KCTD19: variants seen among roughly 807,000 people sequenced by gnomAD.
The protein encoded by KCTD19 is BTB/POZ domain-containing protein KCTD19.
In KCTD19, 67 loss-of-function variants were observed where a neutral mutation model predicts 103.5. The observed-to-expected ratio is 0.65, with a 90% CI of 0.53 to 0.79. The LOEUF (loss-of-function observed/expected upper bound fraction) is 0.79, where lower values mean the gene tolerates loss of function less well. KCTD19 is among the 30% of genes least tolerant of loss of function. KCTD19 has a pLI of 0.00. For missense variants in KCTD19, 980 were observed against 1,136.1 expected, an observed-to-expected ratio of 0.86 and a Z score of 1.98; for synonymous variants, 439 against 452.2, an observed-to-expected ratio of 0.97 and a Z score of 0.37.
intron 1 of KCTD19, among the ~76,000 whole-genome samples, chr16:67,322,398 A>G (rs1367696325): frequency 1.3e-5 from 2 of 150,164 alleles, no homozygotes; most frequent in East Asian, 3.9e-4. Context: ...TCCCGGGTTC[A>G]CTCCATTCTC....
intron 6 of KCTD19, among the ~76,000 whole-genome samples, chr16:67,298,631 G>T (rs2036796259): frequency 6.6e-6 from 1 of 152,156 alleles, no homozygotes. Context: ...GGACATCTCT[G>T]AAAGATATGG....
At chr16:67,306,288 T>G (rs1164902297) in intron 2 of KCTD19, among the ~76,000 whole-genome samples, 1 of 152,130 alleles carries the variant, frequency 6.6e-6, no homozygotes, top group Non-Finnish European at 1.5e-5. Context: ...AAGGGAACAT[T>G]AGAGTCTCGC....
At chr16:67,291,608 G>A (rs746587305) in intron 13 of KCTD19, 38 bp downstream of exon 13, 130 of 1,596,258 alleles carry the variant, frequency 8.1e-5, no homozygotes, top group Non-Finnish European at 1.0e-4. Context: ...GCATCCTCAC[G>A]AGGAGGCGCA....
chr16:67,303,108 C>CGGGGGGGGGGGGGGGGGGGGGCG lies in KCTD19; in HGVS notation c.643+37_643+38insCGCCCCCCCCCCCCCCCCCCCCC. On this transcript the variant is annotated intron_variant, in intron 4 of 15. Transcript: ENST00000304372. This position sits in a 1 kb window ranked among gnomAD's most constrained non-coding sequence, Gnocchi z 4.3. ...ATGGGGAGGGGTGAATGGGCCCTAT[C>CGGGGGGGGGGGGGGGGGGGGGCG]AGCCCGCCCCCCACCCCACCCCGGA... is the stretch of plus-strand genomic sequence containing the variant. The CGGGGGGGGGGGGGGGGGGGGGCG allele has an allele frequency of 1.3e-6, 1 of 798,076 alleles. No homozygotes were observed. Among genetic ancestry groups the CGGGGGGGGGGGGGGGGGGGGGCG allele is most frequent in the Non-Finnish European group, 2.1e-6 (1 of 476,660 alleles). 49.4% of individuals were successfully genotyped at this position (798,076 alleles called of 1,614,324 possible).
At chr16:67,295,721 A>T in intron 8 of KCTD19, 1 of 336,734 alleles carries the variant, frequency 3.0e-6, no homozygotes, top group African/African-American at 2.1e-5. Flanking sequence ...CCTTCCCAGC[A>T]GGCCACTCGG....
intron 2 of KCTD19, among the ~76,000 whole-genome samples, chr16:67,314,600 T>G (rs141279484): frequency 2.1e-4 from 32 of 151,912 alleles, no homozygotes; most frequent in Non-Finnish European, 3.8e-4. Context: ...TTGTTTGTTA[T>G]AGAGATGGGG....
chr16:67,314,830 T>TATATATAGAGAGAGAG (rs1430877802), intron 2 of KCTD19, among the ~76,000 whole-genome samples: 2 of 33,652 alleles, frequency 5.9e-5, no homozygotes, highest in Admixed American at 4.9e-4. Flanking sequence ...TATATATATA[T>TATATATAGAGAGAGAG]AGAGAGAGAG....
chr16:67,304,360 T>C, intron 3 of KCTD19, 61 bp downstream of exon 3: 2 of 1,543,982 alleles, frequency 1.3e-6, no homozygotes, highest in South Asian at 2.3e-5. Flanking sequence ...CCACTTCTGT[T>C]AGGGTGAGGA....
intron 2 of KCTD19, among the ~76,000 whole-genome samples, chr16:67,310,350 T>G (rs991968920): frequency 6.6e-6 from 1 of 152,234 alleles, no homozygotes; most frequent in African/African-American, 2.4e-5. Context: ...TGAAGAACAC[T>G]CCAGAGAGCC....
chr16:67,304,715 G>T, intron 2 of KCTD19, 144 bp from the exon 3 acceptor site: 1 of 647,926 alleles, frequency 1.5e-6, no homozygotes, highest in Non-Finnish European at 2.6e-6. Context: ...CCAGGCTGGA[G>T]TGCAGTGGTG....
intron 2 of KCTD19, among the ~76,000 whole-genome samples, chr16:67,319,314 A>T (rs1007296343): frequency 1.1e-4 from 16 of 152,192 alleles, no homozygotes; most frequent in African/African-American, 3.1e-4. Context: ...GCATCCATGA[A>T]AACATGCACT....
chr16:67,296,609 A>ATC (rs1158785016), intron 7 of KCTD19, among the ~76,000 whole-genome samples: 1 of 151,988 alleles, frequency 6.6e-6, no homozygotes, highest in Non-Finnish European at 1.5e-5. Context: ...GAAGCTAGGA[A>ATC]TCTCTCTCTG....
intron 2 of KCTD19, among the ~76,000 whole-genome samples, chr16:67,308,449 G>T (rs889901425): frequency 6.6e-6 from 1 of 152,106 alleles, no homozygotes; most frequent in Non-Finnish European, 1.5e-5. Context: ...ACAGGCATGA[G>T]CCACTGCGCC....
rs776804684 is a variant in KCTD19 at position 67,295,277 on chromosome 16, T to C, written c.1377A>G (p.Leu459=). Residue 459 remains leucine (L), a synonymous_variant, in exon 9 of 16, where the codon TTA becomes TTG. Transcript: ENST00000304372. ...LNFLRLGKLF[L]PSEFKEWPLF... ...GCTTCACTTACTTAAATTCAGATGG[T>C]AAAAACAGTTTGCCAAGTCTCAGGA... is the stretch of plus-strand genomic sequence containing the variant. The C allele has an allele frequency of 4.3e-6, 7 of 1,614,138 alleles. No homozygotes were observed. In the South Asian group the frequency reaches 4.4e-5, roughly 10 times the overall value.
chr16:67,291,554 A>T (rs1597391667), intron 13 of KCTD19, 91 bp from the exon 14 acceptor site: 1 of 1,560,942 alleles, frequency 6.4e-7, no homozygotes, highest in Admixed American at 1.8e-5. Context: ...TAGGGCCCCC[A>T]GGGGCCACTG....
chr16:67,292,998 G>A (rs2036717696), intron 12 of KCTD19, among the ~76,000 whole-genome samples: 1 of 152,034 alleles, frequency 6.6e-6, no homozygotes, highest in Non-Finnish European at 1.5e-5. Flanking sequence ...AAGTGGCTTC[G>A]AATACCTAGC....
intron 6 of KCTD19, 93 bp from the exon 7 acceptor site, chr16:67,297,756 G>A (rs1016194160): frequency 6.6e-6 from 8 of 1,206,214 alleles, no homozygotes; most frequent in Non-Finnish European, 7.0e-6. Context: ...ATGCCTTGCC[G>A]CAACACTGGC....
In KCTD19 at chr16:67,301,877, G is replaced by C. The variant is rs770845234; in HGVS notation, c.689C>G (p.Ser230Cys). ...TTCTGCTTCTAATACATCAATGTTG[G>C]AGAAATTATCCGGTAGTAAAATCTT... ...SQKILLPDNF[S>C]NIDVLEAEVE... is the part of the protein sequence containing the mutation. Residue 230 changes from serine (S) to cysteine (C), a missense_variant, in exon 5 of 16, where the codon TCC becomes TGC. Transcript: ENST00000304372. 1.2e-6 allele frequency: 2 copies of C among 1,613,220 alleles called. No homozygotes were observed. The highest frequency in any genetic ancestry group is 2.7e-5 in the African/African-American group (2 of 74,886).
intron 1 of KCTD19, chr16:67,321,911 T>G (rs947480993): frequency 2.6e-5 from 4 of 153,074 alleles, no homozygotes; most frequent in African/African-American, 9.7e-5. Context: ...GACACCCGCC[T>G]AGACAGCCAG....
Sources: allele counts gnomAD v4.1 joint callset (sites outside exome capture counted in the v4.1 genomes callset), GRCh38; gene constraint gnomAD v4.1.1; non-coding constraint Gnocchi (gnomAD v3.1); transcripts MANE v1.5; gene names NCBI Gene and HGNC (gene_info 2026-07-23, HGNC 2026-07-21).